Variants in RLN2 observed in about 807,000 individuals in gnomAD.
The protein encoded by RLN2 is prorelaxin H2.
In RLN2, 10 loss-of-function variants were observed where a neutral mutation model predicts 7.3. That is an observed-to-expected ratio of 1.36 (90% CI 0.84 to 2.31). RLN2 has a LOEUF of 2.31. Ranked by LOEUF, RLN2 falls within the 30% of genes most tolerant of loss-of-function variation. The probability of loss-of-function intolerance (pLI) is 0.00; values close to 1 mark genes in which losing one functional copy is unlikely to be tolerated. For synonymous variants in RLN2, 103 were observed against 82.3 expected, an observed-to-expected ratio of 1.25 and a Z score of -1.36; for missense variants, 298 against 217.6, an observed-to-expected ratio of 1.37 and a Z score of -2.32.
At chr9:5,331,073 C>A in the RLN2 span, among the ~76,000 whole-genome samples, 1 of 151,896 alleles carries the variant, frequency 6.6e-6, no homozygotes, top group Admixed American at 6.6e-5. Context: ...CTGAATACAC[C>A]AATAACAGGT....
chr9:5,300,576 A>C (rs1478068366), intron 1 of RLN2, 132 bp from the exon 2 acceptor site: 3 of 637,886 alleles, frequency 4.7e-6, no homozygotes, highest in Admixed American at 6.1e-5. Flanking sequence ...CAAAATAAGC[A>C]AGCATCCTAA....
chr9:5,313,622 A>C, the RLN2 span, among the ~76,000 whole-genome samples: 2 of 152,042 alleles, frequency 1.3e-5, 1 homozygote, highest in African/African-American at 4.8e-5. Context: ...ACATGCATAC[A>C]TTGTGAAATG....
chr9:5,306,491 A>G (rs921211713), upstream of RLN2, among the ~76,000 whole-genome samples: 1 of 152,048 alleles, frequency 6.6e-6, no homozygotes, highest in African/African-American at 2.4e-5. Context: ...GAGAGTTGTC[A>G]TGCACTTATT....
At chr9:5,305,655 T>C (rs574318310), upstream of RLN2, among the ~76,000 whole-genome samples, 291 of 152,170 alleles carry the variant, frequency 1.9e-3, 4 homozygotes, top group African/African-American at 6.9e-3. Flanking sequence ...AGTAGGTTCA[T>C]TTTTTAAAAT....
chr9:5,327,513 A>G, the RLN2 span, among the ~76,000 whole-genome samples: 2 of 152,204 alleles, frequency 1.3e-5, no homozygotes, highest in South Asian at 4.2e-4. Context: ...ACTTCTGCAG[A>G]CTTAAACGTC....
At chr9:5,328,318 G>A in the RLN2 span, among the ~76,000 whole-genome samples, 2 of 152,020 alleles carry the variant, frequency 1.3e-5, no homozygotes, top group African/African-American at 4.8e-5. Flanking sequence ...ATCAGTGATT[G>A]AAGATCAAAT....
chr9:5,321,749 G>C, the RLN2 span, among the ~76,000 whole-genome samples: 1 of 151,854 alleles, frequency 6.6e-6, no homozygotes, highest in Non-Finnish European at 1.5e-5. Flanking sequence ...CTGTGGCTAA[G>C]GAAAAAGGAG....
the RLN2 span, among the ~76,000 whole-genome samples, chr9:5,315,815 A>T: frequency 6.6e-6 from 1 of 152,196 alleles, no homozygotes; most frequent in Non-Finnish European, 1.5e-5. Context: ...TGAAAGAAAA[A>T]AATTTTCAGG....
chr9:5,317,650 A>C, the RLN2 span, among the ~76,000 whole-genome samples: 2 of 151,906 alleles, frequency 1.3e-5, no homozygotes, highest in African/African-American at 2.4e-5. Flanking sequence ...ATCTATTACA[A>C]ATACAAACAA....
the RLN2 span, among the ~76,000 whole-genome samples, chr9:5,315,237 T>C: frequency 2.0e-5 from 3 of 151,794 alleles, no homozygotes; most frequent in Non-Finnish European, 2.9e-5. Flanking sequence ...GGAAAGCAAT[T>C]CGTCATCTTA....
chr9:5,339,216 C>T, the RLN2 span: 1 of 220,740 alleles, frequency 4.5e-6, no homozygotes, highest in Non-Finnish European at 8.0e-6. Flanking sequence ...GTCACCTCCT[C>T]TGAGGCTTCC....
At chr9:5,314,380 G>C in the RLN2 span, among the ~76,000 whole-genome samples, 1 of 151,846 alleles carries the variant, frequency 6.6e-6, no homozygotes, top group Non-Finnish European at 1.5e-5. Context: ...GCCCTGCCCC[G>C]TGAAGGCTTG....
chr9:5,336,248 A>T, the RLN2 span, among the ~76,000 whole-genome samples: 1 of 152,076 alleles, frequency 6.6e-6, no homozygotes, highest in African/African-American at 2.4e-5. Flanking sequence ...GAAGTGGGTT[A>T]AAAGATCACT....
chr9:5,329,572 G>A, the RLN2 span, among the ~76,000 whole-genome samples: 33 of 81,530 alleles, frequency 4.0e-4, no homozygotes, highest in Non-Finnish European at 4.2e-4. Flanking sequence ...ATCTACCAAG[G>A]AAACGGAGAG....
chr9:5,335,758 T>A, the RLN2 span, among the ~76,000 whole-genome samples: 265 of 152,168 alleles, frequency 1.7e-3, 2 homozygotes, highest in African/African-American at 5.5e-3. Context: ...CACTTAGCTT[T>A]CTTACAGTTG....
At chr9:5,300,652 C>T (rs1332203743) in intron 1 of RLN2, among the ~76,000 whole-genome samples, 2 of 152,176 alleles carry the variant, frequency 1.3e-5, no homozygotes, top group Non-Finnish European at 2.9e-5. Context: ...CAAGGCTCTG[C>T]TTTACCCCAT....
the RLN2 span, among the ~76,000 whole-genome samples, chr9:5,323,964 C>T: frequency 6.6e-6 from 1 of 151,912 alleles, no homozygotes; most frequent in Non-Finnish European, 1.5e-5. Flanking sequence ...AGGAGAATCA[C>T]TTGAACCCAA....
chr9:5,335,441 T>C, the RLN2 span: 22 of 1,613,676 alleles, frequency 1.4e-5, no homozygotes, highest in Non-Finnish European at 1.9e-5. Flanking sequence ...AAAGCTAAGA[T>C]TGGAATCCTT....
In RLN2 at chr9:5,299,887, T is replaced by C; in HGVS notation, c.*211A>G. The C allele has an allele frequency of 2.5e-6, 1 of 398,076 alleles. No individual in the cohort carries two copies. Among genetic ancestry groups the C allele is most frequent in the Admixed American group, 4.0e-5 (1 of 24,768 alleles). The allele number at this position is 398,076 out of a possible 1,614,324, so 24.7% of individuals were successfully genotyped here. ...GCTTTTCAGCAAAAAAATGTGTCAT[T>C]TAATCACACAAAGAACATTTTCTTA... On this transcript the variant is annotated 3_prime_UTR_variant, in exon 2 of 2. Coordinates refer to ENST00000381627, the MANE Select transcript of RLN2 (RefSeq NM_134441.3).
Sources: gnomAD v4.1 joint callset for allele counts (sites outside exome capture counted in the v4.1 genomes callset) on GRCh38, gnomAD v4.1.1 for gene constraint, MANE v1.5 for transcripts, NCBI Gene and HGNC (gene_info 2026-07-23, HGNC 2026-07-21) for gene names.